GUSB: variants seen among roughly 807,000 people sequenced by gnomAD.
GUSB encodes the protein glucuronidase beta, also known as beta-glucuronidase.
GUSB carries 51 observed loss-of-function variants against 74.6 expected under a neutral mutation model. That is an observed-to-expected ratio of 0.68 (90% confidence interval 0.55 to 0.86). GUSB has a LOEUF of 0.86. Ranked by LOEUF, GUSB falls within the 40% of genes least tolerant of loss-of-function variation. The probability of loss-of-function intolerance (pLI) is 0.00; values close to 1 mark genes in which losing one functional copy is unlikely to be tolerated. For synonymous variants in GUSB, 360 were observed against 348.3 expected (o/e 1.03, Z -0.37); for missense variants, 736 against 853.7 (o/e 0.86, Z 1.72).
chr7:65,982,167 G>T lies in GUSB; in HGVS notation c.17C>A (p.Ala6Glu), dbSNP rs945192107. 11 of 1,515,468 alleles carry T rather than the reference G, an allele frequency of 7.3e-6. No individual in the cohort carries two copies. The East Asian group carries it at 1.8e-4, about 25-fold the overall frequency. 93.9% of individuals were successfully genotyped at this position (1,515,468 alleles called of 1,614,324 possible). MARGSAVAWAALGPLL... is the reference protein window; with the variant it reads MARGSEVAWAALGPLL... ...CGGCCCGAGCGCCGCCCAGGCAACC[G>T]CCGACCCCCGGGCCATGCTTCCCGG... The change falls in exon 1 of 12, where the codon GCG becomes GAG. Residue 6 changes from alanine to glutamate, a missense_variant. Around this residue, in one of 2 missense-constraint regions of GUSB, gnomAD observed 368 missense variants for 363.8 expected, o/e 1.01. Coordinates refer to ENST00000304895, the MANE Select transcript of GUSB (RefSeq NM_000181.4).
intron 7 of GUSB, 32 bp from the exon 8 acceptor site, chr7:65,974,473 A>C: frequency 6.2e-7 from 1 of 1,614,128 alleles, no homozygotes; most frequent in Non-Finnish European, 8.5e-7. Flanking sequence ...ACAGAGGGTC[A>C]CGGTGACGCC....
intron 2 of GUSB, 132 bp from the exon 3 acceptor site, chr7:65,980,043 T>C: frequency 1.1e-6 from 1 of 947,684 alleles, no homozygotes; most frequent in Non-Finnish European, 1.6e-6. Context: ...AAGAATGACA[T>C]CCCAATGGGG....
intron 4 of GUSB, among the ~76,000 whole-genome samples, chr7:65,978,234 G>A (rs925693873): frequency 2.0e-5 from 3 of 152,124 alleles, no homozygotes; most frequent in Admixed American, 6.6e-5. Flanking sequence ...GGTGGATCCC[G>A]AAGTCAGGAG....
intron 9 of GUSB, among the ~76,000 whole-genome samples, chr7:65,969,555 G>A (rs1001705711): frequency 7.9e-5 from 12 of 151,986 alleles, no homozygotes; most frequent in African/African-American, 2.9e-4. Context: ...AAATTAGCTA[G>A]GCGCAGTGGT....
In GUSB at chr7:65,975,534, G is replaced by C. The variant is rs139146564; in HGVS notation, c.913-463C>G. 1.2e-4 allele frequency: 29 copies of C among 241,182 alleles called. No homozygotes were observed. The East Asian group carries it at 3.2e-3, about 27-fold the overall frequency. 14.9% of individuals were successfully genotyped at this position (241,182 alleles called of 1,614,324 possible). On this transcript the variant is annotated intron_variant, in intron 5 of 11. Coordinates refer to ENST00000304895, the MANE Select transcript of GUSB (RefSeq NM_000181.4). ...CGAGTGGCTGGAATTACAGGTGTTCGCCACCATGCCCAGCAAATTTTCATA... is the reference window on the plus strand; with the variant it reads ...CGAGTGGCTGGAATTACAGGTGTTCCCCACCATGCCCAGCAAATTTTCATA...
chr7:65,967,246 G>C (rs977676739), intron 10 of GUSB, among the ~76,000 whole-genome samples: 1 of 152,150 alleles, frequency 6.6e-6, no homozygotes, highest in Non-Finnish European at 1.5e-5. Flanking sequence ...CTTGAGGCCA[G>C]GAGTTCAAGA....
intron 9 of GUSB, 93 bp from the exon 10 acceptor site, chr7:65,968,000 A>C: frequency 9.5e-7 from 1 of 1,053,824 alleles, no homozygotes; most frequent in South Asian, 1.3e-5. Flanking sequence ...AGAGAAGGTA[A>C]GGGGGATGTA....
At chr7:65,972,007 CCAGCCTGGGCAA>C (rs1171380926) in intron 8 of GUSB, among the ~76,000 whole-genome samples, 2 of 151,938 alleles carry the variant, frequency 1.3e-5, no homozygotes, top group Non-Finnish European at 2.9e-5. Context: ...CCATTGCACT[CCAGCCTGGGCAA>C]CAAGTGCAAA....
intron 5 of GUSB, 124 bp downstream of exon 5, chr7:65,975,891 G>T: frequency 4.1e-6 from 3 of 723,964 alleles, no homozygotes; most frequent in Non-Finnish European, 6.9e-6. Context: ...CACCAAGGGT[G>T]AGAAACATCA....
chr7:65,962,073 G>C (rs904329097), intron 11 of GUSB, among the ~76,000 whole-genome samples: 7 of 152,202 alleles, frequency 4.6e-5, no homozygotes, highest in African/African-American at 1.7e-4. Context: ...GTACCCAGCT[G>C]TCTGGTAACT....
At chr7:65,965,234 A>G (rs1790757660) in intron 10 of GUSB, among the ~76,000 whole-genome samples, 1 of 152,000 alleles carries the variant, frequency 6.6e-6, no homozygotes, top group African/African-American at 2.4e-5. Flanking sequence ...AGTGAGACCC[A>G]GTCTCTACAA....
Position 65,960,882 on chromosome 7 carries a change from T to C in GUSB, c.*15A>G. On this transcript the variant is annotated 3_prime_UTR_variant, in exon 12 of 12. Coordinates refer to ENST00000304895, the MANE Select transcript of GUSB (RefSeq NM_000181.4). The stretch of plus-strand genomic sequence containing the variant: ...ACTCGGGGAGGAAGGGACACGCAGG[T>C]GGTATCAGTCTTGCTCAAGTAAACA... 6.2e-7 allele frequency: 1 copy of C among 1,610,754 alleles called. No individual in the cohort carries two copies. The highest frequency in any genetic ancestry group is 8.5e-7 in the Non-Finnish European group (1 of 1,177,104).
intron 4 of GUSB, among the ~76,000 whole-genome samples, chr7:65,978,628 C>T (rs1167698597): frequency 6.7e-6 from 1 of 149,110 alleles, no homozygotes; most frequent in Non-Finnish European, 1.5e-5. Flanking sequence ...AAAAATTAGC[C>T]GGGCGTGGTG....
chr7:65,980,551 A>C (rs2116045481), intron 1 of GUSB, 142 bp from the exon 2 acceptor site: 1 of 778,124 alleles, frequency 1.3e-6, no homozygotes, highest in African/African-American at 1.7e-5. Flanking sequence ...TAACTTGCTG[A>C]TGACAGGTCA....
chr7:65,964,807 G>C (rs1020561396), intron 10 of GUSB, among the ~76,000 whole-genome samples: 4 of 152,148 alleles, frequency 2.6e-5, no homozygotes, highest in African/African-American at 9.7e-5. Context: ...AGTGGCTCAT[G>C]TCTGTCATCC....
Position 65,974,854 on chromosome 7 carries a change from A to C in GUSB, c.1065+65T>G. On this transcript the variant is annotated intron_variant, in intron 6 of 11. Transcript: ENST00000304895. ...TGAGCTGCCCTCAACTGCAGGACAC[A>C]GGGAAGGCGAAAGTGGAGGGTGACC... is the stretch of plus-strand genomic sequence containing the variant. 1.9e-6 allele frequency: 3 copies of C among 1,581,702 alleles called. No individual in the cohort carries two copies. The East Asian group carries it at 6.7e-5, about 35-fold the overall frequency.
At position 65,980,426 on chromosome 7, in the gene GUSB, C is replaced by T. The variant is rs749802416; in HGVS notation, c.211-17G>A. ...GGGGCCTGACTGTGGAGAGAAGAGC[C>T]GGGCTCAGCTCCTAGGCCCCCAAAA... is the stretch of plus-strand genomic sequence containing the variant. On this transcript the variant is annotated splice_polypyrimidine_tract_variant and intron_variant, in intron 1 of 11. Transcript: ENST00000304895. 17 of 1,609,628 alleles carry T rather than the reference C, an allele frequency of 1.1e-5. No homozygotes were observed. Among genetic ancestry groups the T allele is most frequent in the East Asian group, 9.0e-5 (4 of 44,642 alleles).
intron 1 of GUSB, among the ~76,000 whole-genome samples, chr7:65,981,125 C>A (rs978876496): frequency 2.0e-5 from 3 of 151,588 alleles, no homozygotes; most frequent in South Asian, 2.1e-4. Context: ...CAGTAATCAG[C>A]GCTTTGGGAG....
At chr7:65,965,188 T>C (rs777074430) in intron 10 of GUSB, among the ~76,000 whole-genome samples, 1 of 152,040 alleles carries the variant, frequency 6.6e-6, no homozygotes, top group Non-Finnish European at 1.5e-5. Context: ...GGAGGATCAC[T>C]TCAGCCCAGG....
Sources: allele counts gnomAD v4.1 joint callset (sites outside exome capture counted in the v4.1 genomes callset), GRCh38; gene constraint gnomAD v4.1.1; regional missense constraint gnomAD v4.1.1; transcripts MANE v1.5; gene names NCBI Gene and HGNC (gene_info 2026-07-23, HGNC 2026-07-21).